The following SOD1 variants were observed in gnomAD, a reference collection of about 807,000 sequenced individuals.
SOD1 encodes the protein superoxide dismutase [Cu-Zn].
A neutral mutation model predicts 15.9 loss-of-function variants in SOD1; 8 were observed. The observed-to-expected ratio is 0.50, with a 90% CI of 0.30 to 0.91. The LOEUF is 0.91. Ranked by LOEUF, SOD1 falls within the 40% of genes least tolerant of loss-of-function variation. SOD1 has a pLI of 0.07. For missense variants in SOD1, 137 were observed against 194.5 expected (o/e 0.70, Z 1.76); for synonymous variants, 86 against 71.2 (o/e 1.21, Z -1.04).
At position 31,663,786 on chromosome 21, in the gene SOD1, A is replaced by G. The variant is rs374242306; in HGVS notation, c.73-4A>G. 59 of 1,605,182 alleles carry G rather than the reference A, an allele frequency of 3.7e-5. No homozygotes were observed. The highest frequency in any genetic ancestry group is 2.6e-5 in the Non-Finnish European group (30 of 1,172,280). On this transcript the variant is annotated splice_region_variant and splice_polypyrimidine_tract_variant and intron_variant, in intron 1 of 4. Transcript: ENST00000270142. ...CTCTCTCCAACTTTGCACTTTTCTT[A>G]AAGGAAAGTAATGGACCAGTGAAGG...
In SOD1 at chr21:31,668,558, G is replaced by A. The variant is rs567511139; in HGVS notation, c.445G>A (p.Val149Ile). The change falls in exon 5 of 5, where the codon GTA becomes ATA. Residue 149 changes from valine to isoleucine, a missense_variant. Val to Ile is a conservative substitution (Grantham distance 29). Coordinates refer to ENST00000270142, the MANE Select transcript of SOD1 (RefSeq NM_000454.5). ...GNAGSRLACG[V>I]IGIAQ ...CGCTGGAAGTCGTTTGGCTTGTGGTGTAATTGGGATCGCCCAATAAACATT... is the reference window on the plus strand; with the variant it reads ...CGCTGGAAGTCGTTTGGCTTGTGGTATAATTGGGATCGCCCAATAAACATT... 3.7e-6 allele frequency: 6 copies of A among 1,613,730 alleles called. No homozygotes were observed. In the East Asian group the frequency reaches 8.9e-5, roughly 24 times the overall value.
intron 1 of SOD1, chr21:31,660,678 C>G (rs904600718): frequency 6.6e-6 from 1 of 152,182 alleles, no homozygotes; most frequent in Non-Finnish European, 1.5e-5. Flanking sequence ...CAACCTCCGA[C>G]CAATTACATC....
chr21:31,668,345 A>C (rs565581880), intron 4 of SOD1, 126 bp from the exon 5 acceptor site: 10 of 710,388 alleles, frequency 1.4e-5, no homozygotes, highest in Middle Eastern at 3.8e-4. Flanking sequence ...ATATTAGTAT[A>C]TCTCTCTACT....
intron 2 of SOD1, 143 bp from the exon 3 acceptor site, chr21:31,666,306 C>T: frequency 1.5e-6 from 1 of 680,520 alleles, no homozygotes; most frequent in Non-Finnish European, 2.6e-6. Flanking sequence ...CTCACTGTGG[C>T]TGTACCAAGG....
At chr21:31,662,905 C>CA (rs776415000) in intron 1 of SOD1, among the ~76,000 whole-genome samples, 1 of 151,984 alleles carries the variant, frequency 6.6e-6, no homozygotes, top group Non-Finnish European at 1.5e-5. Flanking sequence ...GTCCCAGCTA[C>CA]TCAGGAGGCT....
In SOD1 at chr21:31,668,684, T is replaced by A. The variant is rs1275442076; in HGVS notation, c.*106T>A. On this transcript the variant is annotated 3_prime_UTR_variant, in exon 5 of 5. Transcript: ENST00000270142. ...AAACACTGTAATCTTAAAAGTGTAA[T>A]TGTGTGACTTTTTCAGAGTTGCTTT... 2 of 884,864 alleles carry A rather than the reference T, an allele frequency of 2.3e-6. No individual in the cohort carries two copies. The highest frequency in any genetic ancestry group is 3.9e-5 in the Admixed American group (2 of 51,102). 54.8% of individuals were successfully genotyped at this position (884,864 alleles called of 1,614,324 possible).
chr21:31,659,852 G>T lies in SOD1; in HGVS notation c.72+11G>T. 2 of 1,612,420 alleles carry T rather than the reference G, an allele frequency of 1.2e-6. No homozygotes were observed. The highest frequency in any genetic ancestry group is 1.7e-6 in the Non-Finnish European group (2 of 1,179,444). On this transcript the variant is annotated intron_variant, in intron 1 of 4. Transcript: ENST00000270142. ...AATTTCGAGCAGAAGGCAAGGGCTG[G>T]GACGGAGGCTTGTTTGCGAGGCCGC...
rs771827992 is a variant in SOD1, at chr21:31,668,789, T to C, written c.*211T>C. 3.5e-5 allele frequency: 19 copies of C among 547,992 alleles called. No homozygotes were observed. Among genetic ancestry groups the C allele is most frequent in the Middle Eastern group, 4.4e-4 (1 of 2,260 alleles). 33.9% of individuals were successfully genotyped at this position (547,992 alleles called of 1,614,324 possible). A position where few individuals can be genotyped will look rare whatever the true frequency, so the allele number is the denominator to read the frequency against. On this transcript the variant is annotated 3_prime_UTR_variant, in exon 5 of 5. Transcript: ENST00000270142. ...TTATAAAACTCAGTTAAAATGTCTG[T>C]TTCAATGACCTGTATTTTGCCAGAC...
intron 1 of SOD1, among the ~76,000 whole-genome samples, chr21:31,662,446 C>T (rs1354294271): frequency 6.6e-6 from 1 of 152,204 alleles, no homozygotes; most frequent in Non-Finnish European, 1.5e-5. Flanking sequence ...GAGACACTGA[C>T]ATGTTGTATG....
At chr21:31,667,639 CTT>C (rs1228877030) in intron 4 of SOD1, among the ~76,000 whole-genome samples, 1 of 152,174 alleles carries the variant, frequency 6.6e-6, no homozygotes, top group Non-Finnish European at 1.5e-5. Context: ...CAGAAGTAGT[CTT>C]TAGTTTTAAA....
chr21:31,667,686 A>G lies in SOD1; in HGVS notation c.357+311A>G, dbSNP rs527840942. On this transcript the variant is annotated intron_variant, in intron 4 of 4. Coordinates refer to ENST00000270142, the MANE Select transcript of SOD1 (RefSeq NM_000454.5). ...TTTTCTTGCCAGGATTGGGTTTCTC[A>G]CTTGTTAAACAGAACATTTTGTTAA... 6.6e-5 allele frequency among the ~76,000 whole-genome samples: 10 copies of G among 152,324 alleles called. No homozygotes were observed. The East Asian group carries it at 1.9e-3, about 29-fold the overall frequency.
At chr21:31,663,940 CAGT>C in intron 2 of SOD1, 54 bp downstream of exon 2, 3 of 1,312,824 alleles carry the variant, frequency 2.3e-6, no homozygotes, top group African/African-American at 1.4e-5. Flanking sequence ...GTTAGATAAA[CAGT>C]AGAGTAGCCC....
intron 1 of SOD1, chr21:31,660,497 T>C (rs1458847233): frequency 1.3e-5 from 2 of 152,242 alleles, no homozygotes; most frequent in Non-Finnish European, 1.5e-5. Context: ...TAGGTCATGA[T>C]TGGGCTGCAA....
In SOD1 at chr21:31,667,287, C is replaced by T. The variant is rs1280042397; in HGVS notation, c.269C>T (p.Ala90Val). ...GTTGGAGACTTGGGCAATGTGACTGCTGACAAAGATGGTGTGGCCGATGTG... is the reference window on the plus strand; with the variant it reads ...GTTGGAGACTTGGGCAATGTGACTGTTGACAAAGATGGTGTGGCCGATGTG... ...RHVGDLGNVT[A>V]DKDGVADVSI... The change falls in exon 4 of 5, where the codon GCT becomes GTT. Residue 90 changes from alanine to valine, a missense_variant. Transcript: ENST00000270142. The T allele has an allele frequency of 5.6e-6, 9 of 1,613,954 alleles. No homozygotes were observed. The highest frequency in any genetic ancestry group is 1.7e-6 in the Non-Finnish European group (2 of 1,179,948).
At chr21:31,666,953 A>G (rs1187861029) in intron 3 of SOD1, 4 of 427,046 alleles carry the variant, frequency 9.4e-6, no homozygotes, top group Non-Finnish European at 1.7e-5. Flanking sequence ...TATTAAATTT[A>G]AGGACAAGAT....
At chr21:31,662,066 C>T (rs542384349) in intron 1 of SOD1, among the ~76,000 whole-genome samples, 86 of 152,194 alleles carry the variant, frequency 5.7e-4, no homozygotes, top group African/African-American at 2.0e-3. Flanking sequence ...TATATTTTTT[C>T]GCTTCCCAGG....
Position 31,663,139 on chromosome 21 carries a change from A to T in SOD1, c.73-651A>T, listed in dbSNP as rs1419500560. Among the ~76,000 whole-genome samples, 4 of 148,466 alleles carry T rather than the reference A, an allele frequency of 2.7e-5. 1 individual carries two copies. Among genetic ancestry groups the T allele is most frequent in the African/African-American group, 7.4e-5 (3 of 40,650 alleles). On this transcript the variant is annotated intron_variant, in intron 1 of 4. Transcript: ENST00000270142. ...GGCGACTTTTTCTTTTTTTTTTTTT[A>T]AAGTCAAGTGAGTATGCCATATGGA...
At chr21:31,664,307 C>G (rs2049574788) in intron 2 of SOD1, 2 of 281,694 alleles carry the variant, frequency 7.1e-6, no homozygotes, top group African/African-American at 2.2e-5. Context: ...AAGAGGTCAA[C>G]TTTATTGTAT....
intron 2 of SOD1, among the ~76,000 whole-genome samples, chr21:31,664,959 T>C (rs1238867922): frequency 6.6e-6 from 1 of 152,120 alleles, no homozygotes. Context: ...AAATAAAAAC[T>C]TGGGCTCTTA....
Sources: gnomAD v4.1 joint callset for allele counts (sites outside exome capture counted in the v4.1 genomes callset) on GRCh38, gnomAD v4.1.1 for gene constraint, MANE v1.5 for transcripts, NCBI Gene and HGNC (gene_info 2026-07-23, HGNC 2026-07-21) for gene names.